The following HERC1 variants were observed in gnomAD, a reference collection of about 807,000 sequenced individuals.
The protein encoded by HERC1 is HECT and RLD domain containing E3 ubiquitin protein ligase family member 1, also known as probable E3 ubiquitin-protein ligase HERC1.
A neutral mutation model predicts 554.3 loss-of-function variants in HERC1; 160 were observed. The observed-to-expected ratio is 0.29, with a 90% CI of 0.25 to 0.33. The LOEUF is 0.33. Among genes scored for constraint, HERC1 ranks in the 10% least tolerant of loss-of-function variants. The pLI is 1.00. For missense variants in HERC1, 4,919 were observed against 5,918.5 expected (o/e 0.83, Z 5.54); for synonymous variants, 2,175 against 2,131.7 (o/e 1.02, Z -0.56).
At chr15:63,792,698 A>T (rs902921469) in intron 1 of HERC1, among the ~76,000 whole-genome samples, 2 of 152,138 alleles carry the variant, frequency 1.3e-5, no homozygotes, top group African/African-American at 2.4e-5. Context: ...CTGTGACCAA[A>T]TGTGTGGGAG....
rs1234227632 is a variant in HERC1, at chr15:63,622,861, T to C, written c.13642A>G (p.Ile4548Val). ...TCTGCGGTGGCATTGGGAGAGGGTATAAGAAGGTCAACAATACCAGTTTCA... is the reference window on the plus strand; with the variant it reads ...TCTGCGGTGGCATTGGGAGAGGGTACAAGAAGGTCAACAATACCAGTTTCA... ...ELETGIVDLL[I>V]PSPNATAEVG... The change falls in exon 74 of 78, where the codon ATA (isoleucine) becomes GTA (valine). Residue 4548 changes from isoleucine to valine, a missense_variant. Around this residue, in one of 11 missense-constraint regions of HERC1, gnomAD observed 284 missense variants for 294.1 expected, o/e 0.97. Coordinates refer to ENST00000443617, the MANE Select transcript of HERC1 (RefSeq NM_003922.4). 2.5e-6 allele frequency: 4 copies of C among 1,606,186 alleles called. No homozygotes were observed. The African/African-American group carries it at 4.0e-5, about 16-fold the overall frequency.
chr15:63,735,998 C>CA (rs2074486731), intron 12 of HERC1, among the ~76,000 whole-genome samples: 1 of 152,018 alleles, frequency 6.6e-6, no homozygotes, highest in Non-Finnish European at 1.5e-5. Context: ...ATTCTGTTTC[C>CA]AAAAGCCCAT....
chr15:63,630,741 G>T, intron 68 of HERC1, 106 bp from the exon 69 acceptor site: 1 of 1,111,544 alleles, frequency 9.0e-7, no homozygotes, highest in Non-Finnish European at 1.3e-6. Flanking sequence ...GAATGGCAAT[G>T]ACACATATAA....
intron 73 of HERC1, 119 bp downstream of exon 73, chr15:63,623,606 G>T (rs2152765075): frequency 1.0e-6 from 1 of 957,272 alleles, no homozygotes; most frequent in Non-Finnish European, 1.6e-6. Flanking sequence ...TTTATATGAG[G>T]CTCACAAATG....
chr15:63,713,096 A>G (rs1343480494), intron 23 of HERC1, among the ~76,000 whole-genome samples: 1 of 152,260 alleles, frequency 6.6e-6, no homozygotes, highest in African/African-American at 2.4e-5. Context: ...CAATGCAAGT[A>G]ACTTCACATG....
chr15:63,688,901 A>T (rs1367179975), intron 33 of HERC1, among the ~76,000 whole-genome samples: 1 of 152,122 alleles, frequency 6.6e-6, no homozygotes, highest in Non-Finnish European at 1.5e-5. Context: ...GAAGGGTTTG[A>T]GGGGGAGACA....
chr15:63,676,323 A>C (rs754011428), intron 37 of HERC1, among the ~76,000 whole-genome samples: 9 of 152,212 alleles, frequency 5.9e-5, no homozygotes, highest in Non-Finnish European at 1.2e-4. Flanking sequence ...GCTTGGTAGA[A>C]TGGAGGGGAA....
rs375333370 is a variant in HERC1 at position 63,690,598 on chromosome 15, G to A, written c.5880C>T (p.Val1960=). ...CACAAGCTGGCAGCACAGCTTCAAG[G>A]ACATGAAGTGCAAGGAGCCTTGTTC... is the stretch of plus-strand genomic sequence containing the variant. ...NLRTRLLALH[V]LEAVLPACES... The change falls in exon 32 of 78, where the codon GTC becomes GTT. Residue 1960 remains valine (V), a synonymous_variant. Transcript: ENST00000443617. 6.2e-7 allele frequency: 1 copy of A among 1,613,310 alleles called. No homozygotes were observed. The highest frequency in any genetic ancestry group is 8.5e-7 in the Non-Finnish European group (1 of 1,179,430).
chr15:63,661,823 G>C lies in HERC1; in HGVS notation c.9100C>G (p.Leu3034Val). The C allele has an allele frequency of 1.2e-6, 2 of 1,613,968 alleles. No individual in the cohort carries two copies. The highest frequency in any genetic ancestry group is 1.7e-6 in the Non-Finnish European group (2 of 1,179,856). Residue 3034 changes from leucine (L) to valine (V), a missense_variant, in exon 45 of 78, where the codon CTG (leucine) becomes GTG (valine). Around this residue, in one of 11 missense-constraint regions of HERC1, gnomAD observed 1,963 missense variants for 2,228.6 expected, o/e 0.88. Coordinates refer to ENST00000443617, the MANE Select transcript of HERC1 (RefSeq NM_003922.4). ...TTCTCCCTGCAGGTGCCACATAACA[G>C]GTAGTACGGATTTCCACTCCCACAT... ...GECGSGNPYY[L>V]LCGTCREKYL...
At position 63,816,536 on chromosome 15, in the gene HERC1, G is replaced by A. The variant is rs868523482; in HGVS notation, c.-27+17291C>T. ...AATATCAACATTGTCCTCTTAAAAA[G>A]AACAAACATCAGTGACCAGCTCCAT... On this transcript the variant is annotated intron_variant, in intron 1 of 77. Transcript: ENST00000443617. Among the ~76,000 whole-genome samples, 30 of 152,264 alleles carry A rather than the reference G, an allele frequency of 2.0e-4. No homozygotes were observed. The South Asian group carries it at 3.3e-3, about 17-fold the overall frequency.
chr15:63,687,735 G>A (rs1338021607), intron 33 of HERC1, among the ~76,000 whole-genome samples: 1 of 152,172 alleles, frequency 6.6e-6, no homozygotes, highest in Non-Finnish European at 1.5e-5. Flanking sequence ...GTGGTATGTT[G>A]AAATTAAAGC....
At chr15:63,689,564 A>G (rs781395229) in intron 33 of HERC1, 25 bp downstream of exon 33, 5 of 1,302,726 alleles carry the variant, frequency 3.8e-6, no homozygotes, top group Non-Finnish European at 5.4e-6. Context: ...CTGTTAAGAA[A>G]TACCTTTTAG....
rs947479935 is a variant in HERC1 at position 63,638,266 on chromosome 15, T to C, written c.12093+145A>G. 9.1e-5 allele frequency: 78 copies of C among 860,350 alleles called. No homozygotes were observed. The East Asian group carries it at 1.0e-3, about 11-fold the overall frequency. The allele number at this position is 860,350 out of a possible 1,614,324, so 53.3% of individuals were successfully genotyped here. A position where few individuals can be genotyped will look rare whatever the true frequency, so the allele number is the denominator to read the frequency against. ...GATAAAAACCACACCAAGTTTTTAT[T>C]TGAAAGCTATATATCATGACTTTCT... On this transcript the variant is annotated intron_variant, in intron 63 of 77. Coordinates refer to ENST00000443617, the MANE Select transcript of HERC1 (RefSeq NM_003922.4).
chr15:63,637,446 C>T (rs564759184), intron 64 of HERC1, 59 bp downstream of exon 64: 62 of 1,441,390 alleles, frequency 4.3e-5, no homozygotes, highest in African/African-American at 3.0e-4. Flanking sequence ...AAGGTTTGTA[C>T]GACCAAACCT....
At chr15:63,729,210 A>T in intron 16 of HERC1, 26 bp downstream of exon 16, 1 of 1,578,948 alleles carries the variant, frequency 6.3e-7, no homozygotes, top group East Asian at 2.2e-5. Flanking sequence ...TGACTGATTA[A>T]ATTTGAAATG....
Position 63,638,390 on chromosome 15 carries a change from AT to A in HERC1, c.12093+20del. 1 of 1,604,196 alleles carries A rather than the reference AT, an allele frequency of 6.2e-7. No homozygotes were observed. Among genetic ancestry groups the A allele is most frequent in the Non-Finnish European group, 8.5e-7 (1 of 1,176,278 alleles). On this transcript the variant is annotated intron_variant, in intron 63 of 77. Coordinates refer to ENST00000443617, the MANE Select transcript of HERC1 (RefSeq NM_003922.4). ...TTTTCAGTTCCCATGTTTCTTTTCT[AT>A]TTTTTATCCTGTTAGTTACCTGTTG...
Position 63,663,025 on chromosome 15 carries a change from G to C in HERC1, c.8860C>G (p.Leu2954Val). ...GQDLTSDNDI[L>V]GMWIPEVLDW... ...AGTACCTCTGGGATCCACATTCCCA[G>C]AATATCATTGTCACTGGTCAGGTCT... Residue 2954 changes from leucine (L) to valine (V), a missense_variant, in exon 44 of 78, where the codon CTG (leucine) becomes GTG (valine). Physicochemically the swap from Leu to Val is conservative, Grantham distance 32. Around this residue, in one of 11 missense-constraint regions of HERC1, gnomAD observed 1,963 missense variants for 2,228.6 expected, o/e 0.88. Transcript: ENST00000443617. The C allele has an allele frequency of 6.2e-7, 1 of 1,613,972 alleles. No homozygotes were observed. Among genetic ancestry groups the C allele is most frequent in the Non-Finnish European group, 8.5e-7 (1 of 1,179,872 alleles).
At chr15:63,701,125 G>T (rs1041259443) in intron 25 of HERC1, among the ~76,000 whole-genome samples, 1 of 151,698 alleles carries the variant, frequency 6.6e-6, no homozygotes, top group Non-Finnish European at 1.5e-5. Flanking sequence ...AAATGCGCAA[G>T]GAACTGATAT....
chr15:63,788,951 T>C (rs2076540175), intron 1 of HERC1, among the ~76,000 whole-genome samples: 1 of 151,826 alleles, frequency 6.6e-6, no homozygotes, highest in Admixed American at 6.6e-5. Context: ...AATATAATGA[T>C]GGCTCAACAT....
Sources: allele counts gnomAD v4.1 joint callset (sites outside exome capture counted in the v4.1 genomes callset), GRCh38; gene constraint gnomAD v4.1.1; regional missense constraint gnomAD v4.1.1; transcripts MANE v1.5; gene names NCBI Gene and HGNC (gene_info 2026-07-23, HGNC 2026-07-21).